Variants in VTI1A observed in about 807,000 individuals in gnomAD.
VTI1A encodes vesicle transport through interaction with t-SNAREs 1A.
VTI1A carries 22 observed loss-of-function variants against 34.9 expected under a neutral mutation model. That is an observed-to-expected ratio of 0.63 (90% CI 0.45 to 0.90). The LOEUF (loss-of-function observed/expected upper bound fraction) is 0.90, where lower values mean the gene tolerates loss of function less well. VTI1A is among the 40% of genes least tolerant of loss of function. The pLI is 0.00. For missense variants in VTI1A, 268 were observed against 275.6 expected, an observed-to-expected ratio of 0.97 and a Z score of 0.20; for synonymous variants, 87 against 97.3, an observed-to-expected ratio of 0.89 and a Z score of 0.62.
intron 5 of VTI1A, among the ~76,000 whole-genome samples, chr10:112,553,508 C>T (rs149537885): frequency 9.8e-5 from 15 of 152,334 alleles, no homozygotes; most frequent in Middle Eastern, 3.4e-3. Context: ...AAACCCCAGT[C>T]GCCCCAGTGG....
chr10:112,624,749 C>G (rs1036809624), intron 5 of VTI1A, among the ~76,000 whole-genome samples: 2 of 152,054 alleles, frequency 1.3e-5, no homozygotes, highest in Non-Finnish European at 2.9e-5. Context: ...TGTTTTCTGC[C>G]AAATAATCAC....
chr10:112,546,227 A>T (rs1851119042), intron 5 of VTI1A, among the ~76,000 whole-genome samples: 2 of 151,012 alleles, frequency 1.3e-5, no homozygotes, highest in South Asian at 4.2e-4. Context: ...ACACACACAC[A>T]TATATATATA....
At chr10:112,507,697 CTT>C (rs1849478537) in intron 3 of VTI1A, among the ~76,000 whole-genome samples, 1 of 152,290 alleles carries the variant, frequency 6.6e-6, no homozygotes, top group Non-Finnish European at 1.5e-5. Context: ...GGGCATCTCT[CTT>C]AGCTCTTTTA....
chr10:112,696,068 T>C (rs6585173), intron 7 of VTI1A, among the ~76,000 whole-genome samples: 59,070 of 150,682 alleles, frequency 0.39, 15,312 homozygotes, highest in African/African-American at 0.75. Flanking sequence ...GCCATCTCTA[T>C]AGAAAAATGT....
intron 5 of VTI1A, among the ~76,000 whole-genome samples, chr10:112,551,627 A>C (rs966441582): frequency 2.0e-5 from 3 of 152,246 alleles, no homozygotes; most frequent in African/African-American, 7.2e-5. Flanking sequence ...ATAAGCTGGA[A>C]TATCTTGGCA....
intron 7 of VTI1A, among the ~76,000 whole-genome samples, chr10:112,782,228 CTG>C (rs1442865077): frequency 3.3e-5 from 5 of 152,256 alleles, no homozygotes; most frequent in African/African-American, 1.2e-4. Context: ...TTGCTGGACT[CTG>C]TGTGTCCAGG....
chr10:112,729,937 A>G (rs1166346237), intron 7 of VTI1A, among the ~76,000 whole-genome samples: 1 of 152,176 alleles, frequency 6.6e-6, no homozygotes, highest in African/African-American at 2.4e-5. Flanking sequence ...ACTCCCCAGA[A>G]AGTTCCACAG....
the VTI1A span, among the ~76,000 whole-genome samples, chr10:112,840,196 C>A: frequency 6.6e-6 from 1 of 152,142 alleles, no homozygotes; most frequent in Admixed American, 6.5e-5. Context: ...AAACAATAAC[C>A]CCTGCCACAA....
At chr10:112,460,447 C>T (rs1847694098) in intron 1 of VTI1A, 77 bp from the exon 2 acceptor site, 1 of 1,267,216 alleles carries the variant, frequency 7.9e-7, no homozygotes, top group Non-Finnish European at 1.1e-6. Context: ...AGGAAAAAGG[C>T]ATATAAAAAT....
intron 5 of VTI1A, among the ~76,000 whole-genome samples, chr10:112,620,032 A>G (rs1027873479): frequency 1.3e-5 from 2 of 152,220 alleles, no homozygotes; most frequent in African/African-American, 4.8e-5. Context: ...ACTCTCCTCT[A>G]AAGTATTTCT....
rs571312695 is a variant in VTI1A at position 112,671,321 on chromosome 10, G to A, written c.560+2323G>A. Reference sequence around the variant, plus strand: ...ATAGCTATATCGTGTGTCAACAAGCGTTTCTGATTTAGGAAATGTTATGTT... The same window carrying A: ...ATAGCTATATCGTGTGTCAACAAGCATTTCTGATTTAGGAAATGTTATGTT... On this transcript the variant is annotated intron_variant, in intron 7 of 7. Coordinates refer to ENST00000393077, the MANE Select transcript of VTI1A (RefSeq NM_145206.4). Among the ~76,000 whole-genome samples, 7 of 152,186 alleles carry A rather than the reference G, an allele frequency of 4.6e-5. No individual in the cohort carries two copies. In the South Asian group the frequency reaches 1.0e-3, roughly 23 times the overall value.
chr10:112,697,399 CTTTTTT>C (rs57723783), intron 7 of VTI1A, among the ~76,000 whole-genome samples: 1 of 114,044 alleles, frequency 8.8e-6, no homozygotes, highest in Non-Finnish European at 1.7e-5. Flanking sequence ...CTTTTCTTTT[CTTTTTT>C]TTTTTTTTTT....
intron 5 of VTI1A, among the ~76,000 whole-genome samples, chr10:112,577,404 A>C (rs890572175): frequency 1.7e-4 from 26 of 152,224 alleles, no homozygotes; most frequent in Admixed American, 1.6e-3. Flanking sequence ...ATCTAAATAT[A>C]TAATTGTATA....
chr10:112,613,738 C>T (rs1458581568), intron 5 of VTI1A, among the ~76,000 whole-genome samples: 2 of 152,208 alleles, frequency 1.3e-5, no homozygotes, highest in African/African-American at 2.4e-5. Flanking sequence ...CTTCATTAGC[C>T]CTCATGCTAT....
chr10:112,706,246 G>A (rs1457051018), intron 7 of VTI1A, among the ~76,000 whole-genome samples: 1 of 152,146 alleles, frequency 6.6e-6, no homozygotes, highest in Non-Finnish European at 1.5e-5. Flanking sequence ...AGCCTTTCCA[G>A]CATCTTCTCA....
intron 7 of VTI1A, among the ~76,000 whole-genome samples, chr10:112,703,895 C>T (rs1294140089): frequency 6.6e-6 from 1 of 152,138 alleles, no homozygotes; most frequent in Non-Finnish European, 1.5e-5. Context: ...GATGTTCTGT[C>T]AAAATCCTTT....
intron 5 of VTI1A, among the ~76,000 whole-genome samples, chr10:112,659,698 TACAC>T (rs956554439): frequency 6.6e-6 from 1 of 152,198 alleles, no homozygotes; most frequent in Non-Finnish European, 1.5e-5. Flanking sequence ...AACACAAACA[TACAC>T]GCACGCAGAC....
intron 3 of VTI1A, among the ~76,000 whole-genome samples, chr10:112,514,510 T>C (rs78142102): frequency 0.13 from 20,405 of 151,672 alleles, 1,642 homozygotes; most frequent in East Asian, 0.28. Context: ...TATTTATGCC[T>C]TGATCTTTGT....
chr10:112,497,558 TA>T (rs1849072751), intron 3 of VTI1A, among the ~76,000 whole-genome samples: 1 of 152,214 alleles, frequency 6.6e-6, no homozygotes, highest in Non-Finnish European at 1.5e-5. Context: ...TGATCCATAG[TA>T]AGCTCAAAAG....
Sources: gnomAD v4.1 joint callset for allele counts (sites outside exome capture counted in the v4.1 genomes callset) on GRCh38, gnomAD v4.1.1 for gene constraint, MANE v1.5 for transcripts, NCBI Gene and HGNC (gene_info 2026-07-23, HGNC 2026-07-21) for gene names.